Variants in AMBP observed in about 807,000 individuals in gnomAD.
The protein encoded by AMBP is protein AMBP.
Under a neutral mutation model 46.3 loss-of-function variants are expected in AMBP, and 37 were observed. That is an observed-to-expected ratio of 0.80 (90% confidence interval 0.61 to 1.05). The LOEUF (loss-of-function observed/expected upper bound fraction) is 1.05. AMBP is among the 50% of genes least tolerant of loss of function. The pLI, the probability that AMBP is intolerant of heterozygous loss-of-function variation, is 0.00. For missense variants in AMBP, 475 were observed against 461.2 expected, an observed-to-expected ratio of 1.03 and a Z score of -0.27; for synonymous variants, 174 against 175.9, an observed-to-expected ratio of 0.99 and a Z score of 0.09.
At chr9:114,074,594 GAACT>G (rs1846784668) in intron 3 of AMBP, among the ~76,000 whole-genome samples, 2 of 152,156 alleles carry the variant, frequency 1.3e-5, no homozygotes, top group South Asian at 4.2e-4. Flanking sequence ...AACATTTTCT[GAACT>G]AACAAATAAA....
chr9:114,061,811 C>T (rs574557921), intron 7 of AMBP, among the ~76,000 whole-genome samples: 2 of 152,278 alleles, frequency 1.3e-5, no homozygotes, highest in African/African-American at 4.8e-5. Context: ...CCATTCCACT[C>T]CATGTCATGG....
At chr9:114,062,857 T>A in intron 6 of AMBP, 99 bp from the exon 7 acceptor site, 1 of 1,217,116 alleles carries the variant, frequency 8.2e-7, no homozygotes. Context: ...GCTTTGGGAA[T>A]CAGGGTAGGT....
At position 114,061,664 on chromosome 9, in the gene AMBP, T is replaced by C. The variant is rs960279009; in HGVS notation, c.686-73A>G. 23 of 1,437,448 alleles carry C rather than the reference T, an allele frequency of 1.6e-5. No homozygotes were observed. In the South Asian group the frequency reaches 2.1e-4, roughly 13 times the overall value. The allele number at this position is 1,437,448 out of a possible 1,614,324, so 89.0% of individuals were successfully genotyped here. ...CCATTATCAGGCTGGGCACTTGATA[T>C]GCGCCATCTCATTTAATTTTCACTA... On this transcript the variant is annotated intron_variant, in intron 7 of 9. Transcript: ENST00000265132.
At chr9:114,069,972 A>G in intron 5 of AMBP, 3 of 562,776 alleles carry the variant, frequency 5.3e-6, no homozygotes, top group Middle Eastern at 4.0e-4. Context: ...CCACCCCACT[A>G]GCATCATTTT....
intron 5 of AMBP, among the ~76,000 whole-genome samples, chr9:114,070,406 C>G (rs898224648): frequency 6.6e-6 from 1 of 152,216 alleles, no homozygotes; most frequent in African/African-American, 2.4e-5. Context: ...TTGCTCCACA[C>G]TCTGGCTCCA....
chr9:114,074,066 G>C lies in AMBP; in HGVS notation c.424C>G (p.His142Asp). Reference protein sequence around the residue: ...IFLTKKFSRHHGPTITAKLYG... With the variant: ...IFLTKKFSRHDGPTITAKLYG... ...AGCTTGGCAGTAATGGTGGGTCCAT[G>C]ATGGCGGCTGAATTTCTTGGTCAGG... The change falls in exon 4 of 10, where the codon CAT (histidine) becomes GAT (aspartate). Residue 142 changes from histidine to aspartate, a missense_variant. Coordinates refer to ENST00000265132, the MANE Select transcript of AMBP (RefSeq NM_001633.4). 1.2e-6 allele frequency: 2 copies of C among 1,614,182 alleles called. No homozygotes were observed. The highest frequency in any genetic ancestry group is 1.3e-5 in the African/African-American group (1 of 75,044).
chr9:114,066,443 T>G (rs1846695579), intron 6 of AMBP, among the ~76,000 whole-genome samples: 1 of 149,084 alleles, frequency 6.7e-6, no homozygotes, highest in Non-Finnish European at 1.5e-5. Context: ...TTGCCCAGGC[T>G]GGTCTTGAAC....
chr9:114,061,484 T>C lies in AMBP; in HGVS notation c.793A>G (p.Met265Val), dbSNP rs147454118. 8.7e-6 allele frequency: 14 copies of C among 1,613,994 alleles called. No homozygotes were observed. Among genetic ancestry groups the C allele is most frequent in the Admixed American group, 1.7e-5 (1 of 60,008 alleles). ...GTGACGAAGTTGTTACCGTTGCCCATGCAGCCGCCGTACTGGAAAGTCTCA... is the reference window on the plus strand; with the variant it reads ...GTGACGAAGTTGTTACCGTTGCCCACGCAGCCGCCGTACTGGAAAGTCTCA... ...ACETFQYGGCMGNGNNFVTEK... is the reference protein window; with the variant it reads ...ACETFQYGGCVGNGNNFVTEK... Residue 265 changes from methionine (M) to valine (V), a missense_variant, in exon 8 of 10, where the codon ATG becomes GTG. Physicochemically the swap from Met to Val is conservative, Grantham distance 21. Transcript: ENST00000265132.
At chr9:114,077,128 C>G (rs1485168234) in intron 1 of AMBP, among the ~76,000 whole-genome samples, 2 of 152,210 alleles carry the variant, frequency 1.3e-5, no homozygotes, top group African/African-American at 2.4e-5. Context: ...AGGCAGCCCA[C>G]AGCCCCATGT....
At chr9:114,075,725 G>T (rs1371415530) in intron 2 of AMBP, among the ~76,000 whole-genome samples, 1 of 152,150 alleles carries the variant, frequency 6.6e-6, no homozygotes, top group Non-Finnish European at 1.5e-5. Flanking sequence ...CCACATGGGG[G>T]TAAGTGTGAG....
At chr9:114,066,377 G>GTGTGTGTA (rs1846694354) in intron 6 of AMBP, among the ~76,000 whole-genome samples, 1 of 740 alleles carries the variant, frequency 1.4e-3, no homozygotes, top group African/African-American at 7.7e-3. Context: ...TTATGTGCAC[G>GTGTGTGTA]TGTGTGTGTG....
At chr9:114,062,551 C>CA (rs2134844941) in intron 7 of AMBP, 126 bp downstream of exon 7, 1 of 956,846 alleles carries the variant, frequency 1.0e-6, no homozygotes, top group East Asian at 2.5e-5. Context: ...TGCCTTTTCT[C>CA]AGTCCAGCCC....
chr9:114,071,072 G>C (rs1846739528), intron 5 of AMBP, among the ~76,000 whole-genome samples: 1 of 152,184 alleles, frequency 6.6e-6, no homozygotes. Flanking sequence ...GGCTGGGGCT[G>C]CACACCCCAT....
Position 114,061,089 on chromosome 9 carries a change from T to A in AMBP, c.863A>T (p.Asn288Ile), listed in dbSNP as rs747531845. 1.9e-6 allele frequency: 3 copies of A among 1,614,022 alleles called. No individual in the cohort carries two copies. The Middle Eastern group carries it at 4.9e-4, about 266-fold the overall frequency. Residue 288 changes from asparagine (N) to isoleucine (I), a missense_variant, in exon 9 of 10, where the codon AAT becomes ATT. This residue lies in a region of AMBP where 293 missense variants were observed against 276.9 expected (regional missense o/e 1.06). Coordinates refer to ENST00000265132, the MANE Select transcript of AMBP (RefSeq NM_001633.4). ...GCAGGGGCCCCGGACTATGGGGAGA[T>A]TGCAGGCCGCTGTGGAGTGGAGAGA... ...LQTCRTVAAC[N>I]LPIVRGPCRA...
intron 8 of AMBP, 126 bp from the exon 9 acceptor site, chr9:114,061,224 A>G (rs778023720): frequency 9.3e-5 from 130 of 1,397,186 alleles, no homozygotes; most frequent in Non-Finnish European, 1.2e-4. Flanking sequence ...ACAGATGGGG[A>G]AACTGGGGCC....
At chr9:114,060,408 T>C in intron 9 of AMBP, 138 bp from the exon 10 acceptor site, 3 of 918,216 alleles carry the variant, frequency 3.3e-6, no homozygotes, top group Non-Finnish European at 4.8e-6. Flanking sequence ...AATGATCAGA[T>C]TTTTTTTTCC....
In AMBP at chr9:114,060,157, G is replaced by T; in HGVS notation, c.*82C>A. ...GGAGTTTACAATTTAGTTTTTATTT[G>T]GACCCAGGTTGCTTGGCGCTGCCTG... On this transcript the variant is annotated 3_prime_UTR_variant, in exon 10 of 10. Coordinates refer to ENST00000265132, the MANE Select transcript of AMBP (RefSeq NM_001633.4). The T allele has an allele frequency of 1.4e-6, 2 of 1,431,668 alleles. No homozygotes were observed. Among genetic ancestry groups the T allele is most frequent in the Non-Finnish European group, 9.6e-7 (1 of 1,044,968 alleles). 88.7% of individuals were successfully genotyped at this position (1,431,668 alleles called of 1,614,324 possible).
In AMBP at chr9:114,078,272, G is replaced by C. The variant is rs540924315; in HGVS notation, c.-63C>G. 6.7e-7 allele frequency: 1 copy of C among 1,487,856 alleles called. No individual in the cohort carries two copies. The highest frequency in any genetic ancestry group is 9.3e-7 in the Non-Finnish European group (1 of 1,077,722). The allele number at this position is 1,487,856 out of a possible 1,614,324, so 92.2% of individuals were successfully genotyped here. On this transcript the variant is annotated 5_prime_UTR_variant, in exon 1 of 10. Transcript: ENST00000265132. ...TCGGTCTAGCAACAGAAGGGCCACC[G>C]CCTCCCTGCAACAGGGCAGCTGTGA...
intron 6 of AMBP, among the ~76,000 whole-genome samples, chr9:114,066,467 C>A (rs958007337): frequency 2.0e-5 from 3 of 151,124 alleles, no homozygotes; most frequent in Admixed American, 6.6e-5. Flanking sequence ...TGGCCTCAAG[C>A]AGTCTTACTG....
Sources: allele counts gnomAD v4.1 joint callset (sites outside exome capture counted in the v4.1 genomes callset), GRCh38; gene constraint gnomAD v4.1.1; regional missense constraint gnomAD v4.1.1; transcripts MANE v1.5; gene names NCBI Gene and HGNC (gene_info 2026-07-23, HGNC 2026-07-21).